SCIN: variants seen among roughly 807,000 people sequenced by gnomAD.
The protein encoded by SCIN is scinderin.
In SCIN, 91 loss-of-function variants were observed where a neutral mutation model predicts 91.8. The observed-to-expected ratio is 0.99, with a 90% confidence interval of 0.84 to 1.18. The LOEUF (loss-of-function observed/expected upper bound fraction) is 1.18. Ranked by LOEUF, SCIN falls within the 50% of genes most tolerant of loss-of-function variation. SCIN has a pLI of 0.00. For synonymous variants in SCIN, 367 were observed against 312.6 expected (o/e 1.17, Z -1.84); for missense variants, 1,087 against 863.9 (o/e 1.26, Z -3.24).
At chr7:12,585,609 T>C (rs1239970500) in intron 3 of SCIN, among the ~76,000 whole-genome samples, 1 of 152,184 alleles carries the variant, frequency 6.6e-6, no homozygotes, top group African/African-American at 2.4e-5. Flanking sequence ...TAATTGTCTT[T>C]ATCTTATTAA....
At chr7:12,599,327 G>A (rs190400802) in intron 3 of SCIN, among the ~76,000 whole-genome samples, 52 of 152,188 alleles carry the variant, frequency 3.4e-4, no homozygotes, top group African/African-American at 1.1e-3. Flanking sequence ...GAATAAGATA[G>A]GAAGAGGAAT....
chr7:12,585,398 A>G (rs1782566876), intron 3 of SCIN, among the ~76,000 whole-genome samples: 1 of 152,016 alleles, frequency 6.6e-6, no homozygotes, highest in Non-Finnish European at 1.5e-5. Context: ...AAAGGATTTT[A>G]ATTATTGTCT....
chr7:12,580,972 C>A (rs1335372043), intron 2 of SCIN, 88 bp from the exon 3 acceptor site: 1 of 1,322,354 alleles, frequency 7.6e-7, no homozygotes, highest in Non-Finnish European at 1.0e-6. Flanking sequence ...CAAACACCAG[C>A]AGTATTATTG....
intron 4 of SCIN, among the ~76,000 whole-genome samples, chr7:12,619,939 C>G (rs1783373408): frequency 6.6e-6 from 1 of 151,924 alleles, no homozygotes; most frequent in Admixed American, 6.6e-5. Context: ...TCAGGAACCA[C>G]TGCAGCAGAT....
intron 4 of SCIN, 107 bp downstream of exon 4, chr7:12,604,770 A>G: frequency 1.1e-6 from 1 of 918,252 alleles, no homozygotes; most frequent in Non-Finnish European, 1.6e-6. Flanking sequence ...AAGGGGAAAG[A>G]GATTCAACAC....
At chr7:12,613,275 T>C (rs1271226327) in intron 4 of SCIN, among the ~76,000 whole-genome samples, 1 of 152,188 alleles carries the variant, frequency 6.6e-6, no homozygotes, top group Non-Finnish European at 1.5e-5. Context: ...GTGCTAAGAC[T>C]CAGCTAAACA....
rs371271922 is a variant in SCIN, at chr7:12,579,510, G to A, written c.354+1292G>A. 7.2e-5 allele frequency among the ~76,000 whole-genome samples: 11 copies of A among 152,276 alleles called. No homozygotes were observed. The East Asian group carries it at 2.1e-3, about 29-fold the overall frequency. ...TTATGAACCCATTTCTGCCACATAT[G>A]ACTTGTTTGCTTTAGGGAAAATACT... On this transcript the variant is annotated intron_variant, in intron 2 of 15. Coordinates refer to ENST00000297029, the MANE Select transcript of SCIN (RefSeq NM_001112706.3).
intron 15 of SCIN, 125 bp downstream of exon 15, chr7:12,652,026 C>G (rs781183782): frequency 1.6e-6 from 1 of 613,788 alleles, no homozygotes; most frequent in Non-Finnish European, 2.8e-6. Flanking sequence ...CTTAGCATTC[C>G]TCCTCAAAAC....
chr7:12,581,315 C>G (rs1782484176), intron 3 of SCIN, 94 bp downstream of exon 3: 3 of 1,309,076 alleles, frequency 2.3e-6, no homozygotes, highest in African/African-American at 1.5e-5. Context: ...ATCACTTTTT[C>G]TACACACCAG....
intron 3 of SCIN, among the ~76,000 whole-genome samples, chr7:12,597,885 T>C (rs1302290382): frequency 6.6e-6 from 1 of 152,228 alleles, no homozygotes; most frequent in African/African-American, 2.4e-5. Flanking sequence ...TCATATACAA[T>C]ATGTACATCA....
chr7:12,596,441 G>C (rs1782843506), intron 3 of SCIN: 1 of 456,136 alleles, frequency 2.2e-6, no homozygotes, highest in Admixed American at 2.3e-5. Flanking sequence ...GAACCTTCAG[G>C]AAATGGCCTC....
At chr7:12,590,519 C>T (rs545315192) in intron 3 of SCIN, among the ~76,000 whole-genome samples, 1 of 151,782 alleles carries the variant, frequency 6.6e-6, no homozygotes, top group Middle Eastern at 3.2e-3. Context: ...CTTTGGTCTG[C>T]TCTTAGGGGA....
rs372733902 is a variant in SCIN at position 12,636,126 on chromosome 7, G to A, written c.1401G>A (p.Gln467=). The change falls in exon 10 of 16, where the codon CAG becomes CAA. Residue 467 remains glutamine (Q), a synonymous_variant. Transcript: ENST00000297029. The stretch of plus-strand genomic sequence containing the variant: ...AGTTGGATCGGTCCCTTGGAGGACA[G>A]GCTGTGCAGGTTGGGATATTTTTAC... ...TVQLDRSLGG[Q]AVQIRVSQGK... is the part of the protein sequence containing the mutation. The A allele has an allele frequency of 3.1e-6, 5 of 1,612,004 alleles. No homozygotes were observed. Among genetic ancestry groups the A allele is most frequent in the Non-Finnish European group, 4.2e-6 (5 of 1,179,050 alleles).
At chr7:12,642,499 A>G (rs553948688) in intron 11 of SCIN, among the ~76,000 whole-genome samples, 8 of 151,826 alleles carry the variant, frequency 5.3e-5, no homozygotes, top group African/African-American at 1.9e-4. Flanking sequence ...TTAAGAGCAC[A>G]TATCATTGAA....
intron 13 of SCIN, 81 bp downstream of exon 13, chr7:12,644,786 C>G: frequency 7.1e-7 from 1 of 1,398,708 alleles, no homozygotes. Context: ...GAGGCCGAGG[C>G]AGGCAGATCA....
chr7:12,578,294 GAC>G, intron 2 of SCIN, 76 bp downstream of exon 2: 1 of 1,348,826 alleles, frequency 7.4e-7, no homozygotes, highest in Non-Finnish European at 9.9e-7. Context: ...TTCATAGAAT[GAC>G]AGTTCGTTGA....
At chr7:12,622,055 G>C (rs979137347) in intron 4 of SCIN, among the ~76,000 whole-genome samples, 2 of 151,568 alleles carry the variant, frequency 1.3e-5, no homozygotes, top group African/African-American at 4.8e-5. Flanking sequence ...TCCTGTCCTT[G>C]ACATTCTATG....
chr7:12,630,560 C>CT (rs1377608658), intron 9 of SCIN, among the ~76,000 whole-genome samples: 2 of 152,254 alleles, frequency 1.3e-5, no homozygotes, highest in Non-Finnish European at 2.9e-5. Flanking sequence ...CCAGAACACT[C>CT]TGACGCCACA....
At chr7:12,627,796 A>G (rs960659193) in intron 8 of SCIN, among the ~76,000 whole-genome samples, 3 of 152,092 alleles carry the variant, frequency 2.0e-5, no homozygotes, top group South Asian at 4.2e-4. Context: ...CTTGGTCCCC[A>G]GCACCAGCTG....
Sources: allele counts gnomAD v4.1 joint callset (sites outside exome capture counted in the v4.1 genomes callset), GRCh38; gene constraint gnomAD v4.1.1; transcripts MANE v1.5; gene names NCBI Gene and HGNC (gene_info 2026-07-23, HGNC 2026-07-21).